The following LYPD6 variants were observed in gnomAD, a reference collection of about 807,000 sequenced individuals.
The protein encoded by LYPD6 is ly6/PLAUR domain-containing protein 6.
Under a neutral mutation model 22.7 loss-of-function variants are expected in LYPD6, and 15 were observed. The ratio of observed to expected loss-of-function variants is 0.66; its 90% CI spans 0.44 to 1.02. LYPD6 has a LOEUF of 1.02. LYPD6 is among the 50% of genes least tolerant of loss of function. The pLI is 0.00. For missense variants in LYPD6, 189 were observed against 208.4 expected, an observed-to-expected ratio of 0.91 and a Z score of 0.57; for synonymous variants, 72 against 77.5, an observed-to-expected ratio of 0.93 and a Z score of 0.37.
chr2:149,413,904 T>A (rs956609405), intron 1 of LYPD6, among the ~76,000 whole-genome samples: 1 of 152,202 alleles, frequency 6.6e-6, no homozygotes, highest in Non-Finnish European at 1.5e-5. Flanking sequence ...TACAGCGTGA[T>A]CAATAAGAAC....
At chr2:149,381,382 G>A (rs1363129888) in intron 1 of LYPD6, among the ~76,000 whole-genome samples, 1 of 152,058 alleles carries the variant, frequency 6.6e-6, no homozygotes, top group Admixed American at 6.6e-5. Flanking sequence ...GAAGAGATGG[G>A]GTCTGTTGAC....
intron 3 of LYPD6, among the ~76,000 whole-genome samples, chr2:149,461,518 G>T (rs1681087744): frequency 6.6e-6 from 1 of 151,768 alleles, no homozygotes; most frequent in Non-Finnish European, 1.5e-5. Context: ...AGAGAAGGGG[G>T]AATACTCAAT....
At chr2:149,382,122 T>G (rs756573102) in intron 1 of LYPD6, among the ~76,000 whole-genome samples, 1 of 152,218 alleles carries the variant, frequency 6.6e-6, no homozygotes, top group Non-Finnish European at 1.5e-5. Flanking sequence ...AAATGAAACC[T>G]TCTTAATAGG....
At chr2:149,396,801 T>G (rs1682436998) in intron 1 of LYPD6, among the ~76,000 whole-genome samples, 1 of 152,216 alleles carries the variant, frequency 6.6e-6, no homozygotes. Context: ...ACAGGAACTT[T>G]ATGAAGATGA....
At chr2:149,373,725 C>T (rs541174426) in intron 1 of LYPD6, among the ~76,000 whole-genome samples, 24 of 152,286 alleles carry the variant, frequency 1.6e-4, no homozygotes, top group African/African-American at 5.1e-4. Flanking sequence ...TGGTAGAAGC[C>T]ACACGGTAGT....
chr2:149,421,751 G>A (rs1160762031), intron 1 of LYPD6, among the ~76,000 whole-genome samples: 1 of 151,962 alleles, frequency 6.6e-6, no homozygotes, highest in Non-Finnish European at 1.5e-5. Context: ...CTTAATATCA[G>A]TTTTCTGTCT....
chr2:149,407,369 C>T (rs1330321227), intron 1 of LYPD6, among the ~76,000 whole-genome samples: 3 of 152,176 alleles, frequency 2.0e-5, no homozygotes, highest in Non-Finnish European at 4.4e-5. Flanking sequence ...TTCAGGTATA[C>T]CAATCAGACG....
intron 1 of LYPD6, among the ~76,000 whole-genome samples, chr2:149,425,348 A>G (rs992279783): frequency 3.9e-5 from 6 of 152,216 alleles, no homozygotes; most frequent in Non-Finnish European, 8.8e-5. Context: ...AGAGAGCTCA[A>G]GAATTTGAGT....
chr2:149,460,674 C>A (rs1160402656), intron 3 of LYPD6, among the ~76,000 whole-genome samples: 1 of 152,032 alleles, frequency 6.6e-6, no homozygotes, highest in Non-Finnish European at 1.5e-5. Flanking sequence ...CCAGCAACAC[C>A]AGAATATACA....
chr2:149,389,351 A>G (rs190408237), intron 1 of LYPD6, among the ~76,000 whole-genome samples: 47 of 152,226 alleles, frequency 3.1e-4, no homozygotes, highest in South Asian at 6.2e-4. Flanking sequence ...GCTTCCTTGA[A>G]TTTACTGAAA....
rs193101152 is a variant in LYPD6 at position 149,466,499 on chromosome 2, G to A, written c.218-2146G>A. Among the ~76,000 whole-genome samples the A allele has an allele frequency of 9.5e-3, 1,445 of 152,126 alleles. 5 individuals carry two copies. Among genetic ancestry groups the A allele is most frequent in the Non-Finnish European group, 0.012 (800 of 67,972 alleles). ...TGCACTGATCTCCCTTCTACCCCCA[G>A]AATGGCAAAAAATCAGCTTATTAGG... On this transcript the variant is annotated intron_variant, in intron 3 of 4. Coordinates refer to ENST00000334166, the MANE Select transcript of LYPD6 (RefSeq NM_194317.5).
intron 1 of LYPD6, among the ~76,000 whole-genome samples, chr2:149,392,339 G>A (rs1476148461): frequency 4.6e-5 from 7 of 152,158 alleles, no homozygotes; most frequent in African/African-American, 9.7e-5. Flanking sequence ...GAGGAAGATC[G>A]CACTCCAGGA....
rs182184310 is a variant in LYPD6 at position 149,444,206 on chromosome 2, T to C, written c.119-4843T>C. Among the ~76,000 whole-genome samples, 4 of 152,304 alleles carry C rather than the reference T, an allele frequency of 2.6e-5. No individual in the cohort carries two copies. In the East Asian group the frequency reaches 7.7e-4, roughly 29 times the overall value. ...GACTCGGCCTCCCAAAGTGCTGAGA[T>C]TACATCGTTGGCCACCATGTTCCAC... On this transcript the variant is annotated intron_variant, in intron 2 of 4. Coordinates refer to ENST00000334166, the MANE Select transcript of LYPD6 (RefSeq NM_194317.5).
downstream of LYPD6, among the ~76,000 whole-genome samples, chr2:149,476,935 G>C (rs1202315608): frequency 6.6e-6 from 1 of 152,144 alleles, no homozygotes; most frequent in African/African-American, 2.4e-5. Flanking sequence ...ATCACACAGT[G>C]GCGTGTGAAG....
At chr2:149,467,479 T>C (rs1681225856) in intron 3 of LYPD6, among the ~76,000 whole-genome samples, 1 of 152,200 alleles carries the variant, frequency 6.6e-6, no homozygotes, top group Non-Finnish European at 1.5e-5. Context: ...GAAGGGTCTG[T>C]ATTAGCTCAT....
chr2:149,339,154 T>G (rs886298871), intron 1 of LYPD6, among the ~76,000 whole-genome samples: 1 of 152,158 alleles, frequency 6.6e-6, no homozygotes, highest in African/African-American at 2.4e-5. Context: ...CTAGAGAGTC[T>G]TCTTTAACTA....
At chr2:149,416,877 T>C (rs1682975769) in intron 1 of LYPD6, among the ~76,000 whole-genome samples, 1 of 152,232 alleles carries the variant, frequency 6.6e-6, no homozygotes, top group Non-Finnish European at 1.5e-5. Context: ...CTGTGAGGCC[T>C]GCTGCTTATG....
chr2:149,436,335 G>A (rs1683430177), intron 1 of LYPD6, among the ~76,000 whole-genome samples: 1 of 152,194 alleles, frequency 6.6e-6, no homozygotes, highest in Admixed American at 6.5e-5. Flanking sequence ...CAGAGCAATA[G>A]AGATAATGGT....
At chr2:149,469,575 C>A (rs1666595441) in intron 4 of LYPD6, among the ~76,000 whole-genome samples, 1 of 152,132 alleles carries the variant, frequency 6.6e-6, no homozygotes, top group African/African-American at 2.4e-5. Flanking sequence ...CTTAAGAAGG[C>A]AGACACCTAA....
Sources: gnomAD v4.1 joint callset for allele counts (sites outside exome capture counted in the v4.1 genomes callset) on GRCh38, gnomAD v4.1.1 for gene constraint, MANE v1.5 for transcripts, NCBI Gene and HGNC (gene_info 2026-07-23, HGNC 2026-07-21) for gene names.